SLC44A5: variants seen among roughly 807,000 people sequenced by gnomAD.
SLC44A5 encodes choline transporter-like protein 5.
SLC44A5 carries 57 observed loss-of-function variants against 101.8 expected under a neutral mutation model. The observed-to-expected ratio is 0.56, with a 90% CI of 0.45 to 0.70. SLC44A5 has a LOEUF of 0.70. Among genes scored for constraint, SLC44A5 ranks in the 30% least tolerant of loss-of-function variants. The probability of loss-of-function intolerance (pLI) is 0.00; values close to 1 mark genes in which losing one functional copy is unlikely to be tolerated. For missense variants in SLC44A5, 737 were observed against 853.1 expected (o/e 0.86, Z 1.70); for synonymous variants, 281 against 290.9 (o/e 0.97, Z 0.35).
At chr1:75,397,489 T>C (rs1171503647) in intron 2 of SLC44A5, among the ~76,000 whole-genome samples, 1 of 152,118 alleles carries the variant, frequency 6.6e-6, no homozygotes, top group South Asian at 2.1e-4. Context: ...GGGGTAAAGA[T>C]TCCAGGGAAA....
At chr1:75,502,380 T>C (rs1669007271) in intron 2 of SLC44A5, among the ~76,000 whole-genome samples, 1 of 152,216 alleles carries the variant, frequency 6.6e-6, no homozygotes, top group African/African-American at 2.4e-5. Flanking sequence ...CCTGTATATC[T>C]GGCAGCATGT....
At chr1:75,579,982 G>A (rs1168947147) in intron 1 of SLC44A5, among the ~76,000 whole-genome samples, 1 of 152,050 alleles carries the variant, frequency 6.6e-6, no homozygotes, top group African/African-American at 2.4e-5. Context: ...TAAGGAGCAA[G>A]CATAGTATTT....
chr1:75,222,352 G>T lies in SLC44A5; in HGVS notation c.1085+9C>A. ...CACTTTAGCTGAGTTTCTACATTAA[G>T]GGCCTTACTTGCTTCCTTCCTTCAG... On this transcript the variant is annotated intron_variant, in intron 14 of 23. Transcript: ENST00000370859. 2.5e-6 allele frequency: 4 copies of T among 1,600,460 alleles called. No individual in the cohort carries two copies. The highest frequency in any genetic ancestry group is 1.3e-5 in the African/African-American group (1 of 74,712).
intron 5 of SLC44A5, among the ~76,000 whole-genome samples, chr1:75,298,046 A>G (rs1654110430): frequency 6.6e-6 from 1 of 152,240 alleles, no homozygotes; most frequent in African/African-American, 2.4e-5. Flanking sequence ...AAGTCTACAA[A>G]GGCACTAATC....
intron 4 of SLC44A5, among the ~76,000 whole-genome samples, chr1:75,330,785 C>T (rs1394078593): frequency 6.6e-6 from 1 of 152,148 alleles, no homozygotes; most frequent in Non-Finnish European, 1.5e-5. Flanking sequence ...CTTAGTCACA[C>T]TTTAGTGGCC....
At chr1:75,701,924 G>A in the SLC44A5 span, among the ~76,000 whole-genome samples, 5 of 152,066 alleles carry the variant, frequency 3.3e-5, no homozygotes, top group Non-Finnish European at 2.9e-5. Context: ...CAAAGAGAAT[G>A]AAATACCTAG....
intron 2 of SLC44A5, among the ~76,000 whole-genome samples, chr1:75,526,101 G>A (rs1458570073): frequency 6.6e-6 from 1 of 152,152 alleles, no homozygotes; most frequent in African/African-American, 2.4e-5. Context: ...TGAACCTACA[G>A]CCATTCCCTT....
At chr1:75,491,110 T>C (rs1470445930) in intron 2 of SLC44A5, among the ~76,000 whole-genome samples, 1 of 152,146 alleles carries the variant, frequency 6.6e-6, no homozygotes, top group African/African-American at 2.4e-5. Context: ...CTCCAGGGAT[T>C]GGCTTAGTCA....
At chr1:75,440,226 C>G (rs956313890) in intron 2 of SLC44A5, among the ~76,000 whole-genome samples, 1 of 151,868 alleles carries the variant, frequency 6.6e-6, no homozygotes, top group African/African-American at 2.4e-5. Context: ...ATAGTAGTAC[C>G]AAGAAAAAGG....
intron 5 of SLC44A5, among the ~76,000 whole-genome samples, chr1:75,285,821 T>C (rs1433535985): frequency 6.6e-6 from 1 of 152,090 alleles, no homozygotes; most frequent in Non-Finnish European, 1.5e-5. Context: ...TATTCTACTG[T>C]GGTTTGAGGG....
the SLC44A5 span, among the ~76,000 whole-genome samples, chr1:75,699,965 A>G: frequency 6.6e-6 from 1 of 152,088 alleles, no homozygotes; most frequent in East Asian, 1.9e-4. Flanking sequence ...ACTATCCTAA[A>G]TATATATGCA....
At chr1:75,454,615 T>A (rs1666086547) in intron 2 of SLC44A5, among the ~76,000 whole-genome samples, 2 of 151,838 alleles carry the variant, frequency 1.3e-5, no homozygotes, top group African/African-American at 4.8e-5. Flanking sequence ...TCCCCACAGA[T>A]AATATAATTC....
At chr1:75,610,652 G>T (rs1675605144) in intron 1 of SLC44A5, among the ~76,000 whole-genome samples, 1 of 152,032 alleles carries the variant, frequency 6.6e-6, no homozygotes. Context: ...GTATGAACAG[G>T]TGTGAATACC....
At chr1:75,211,381 C>T in intron 23 of SLC44A5, 87 bp downstream of exon 23, 1 of 1,004,156 alleles carries the variant, frequency 1.0e-6, no homozygotes, top group Admixed American at 2.0e-5. Context: ...AACAGCAGAT[C>T]CCCAAGCCAG....
intron 1 of SLC44A5, among the ~76,000 whole-genome samples, chr1:75,546,061 A>G (rs1671637369): frequency 6.6e-6 from 1 of 151,884 alleles, no homozygotes; most frequent in Non-Finnish European, 1.5e-5. Context: ...GGCTCAAGTG[A>G]TCCTCCCACC....
intron 4 of SLC44A5, among the ~76,000 whole-genome samples, chr1:75,310,549 C>A (rs1483503729): frequency 6.6e-6 from 1 of 152,086 alleles, no homozygotes; most frequent in African/African-American, 2.4e-5. Flanking sequence ...CTAGCGGACA[C>A]AAGAGAAAAT....
intron 2 of SLC44A5, among the ~76,000 whole-genome samples, chr1:75,495,717 G>T (rs1468701658): frequency 6.6e-6 from 1 of 151,868 alleles, no homozygotes; most frequent in African/African-American, 2.4e-5. Flanking sequence ...AAATGAAAAA[G>T]AGTGAAGACA....
chr1:75,274,904 C>A, intron 6 of SLC44A5, 54 bp downstream of exon 6: 2 of 1,374,554 alleles, frequency 1.5e-6, no homozygotes, highest in Non-Finnish European at 2.1e-6. Flanking sequence ...AAAGTGATAT[C>A]TAGGTTCCAG....
At chr1:75,723,463 A>G in the SLC44A5 span, among the ~76,000 whole-genome samples, 1 of 152,134 alleles carries the variant, frequency 6.6e-6, no homozygotes, top group African/African-American at 2.4e-5. Flanking sequence ...TACCGACTAG[A>G]CATGTTTAAG....
Sources: allele counts gnomAD v4.1 joint callset (sites outside exome capture counted in the v4.1 genomes callset), GRCh38; gene constraint gnomAD v4.1.1; transcripts MANE v1.5; gene names NCBI Gene and HGNC (gene_info 2026-07-23, HGNC 2026-07-21).